The following GALNT13 variants were observed in gnomAD, a reference collection of about 807,000 sequenced individuals.
GALNT13 encodes the protein UDP-GalNAc:polypeptide N-acetylgalactosaminyltransferase 13.
GALNT13 carries 28 observed loss-of-function variants against 64.2 expected under a neutral mutation model. The observed-to-expected ratio is 0.44, with a 90% CI of 0.32 to 0.60. The LOEUF (loss-of-function observed/expected upper bound fraction) is 0.60, where lower values mean the gene tolerates loss of function less well. GALNT13 is among the 20% of genes least tolerant of loss of function. GALNT13 has a pLI of 0.05. For synonymous variants in GALNT13, 214 were observed against 224.6 expected, an observed-to-expected ratio of 0.95 and a Z score of 0.42; for missense variants, 577 against 669.8, an observed-to-expected ratio of 0.86 and a Z score of 1.53.
the GALNT13 span, among the ~76,000 whole-genome samples, chr2:153,168,774 T>G: frequency 9.2e-5 from 14 of 152,236 alleles, no homozygotes; most frequent in Admixed American, 6.5e-4. Flanking sequence ...GTACTCTTAT[T>G]AATTGCCACA....
the GALNT13 span, among the ~76,000 whole-genome samples, chr2:153,738,678 T>G: frequency 3.3e-5 from 5 of 151,856 alleles, no homozygotes; most frequent in Admixed American, 3.3e-4. Flanking sequence ...TTTCTGTGGT[T>G]GAATTATGTC....
intron 9 of GALNT13, among the ~76,000 whole-genome samples, chr2:154,333,947 G>C (rs1238345022): frequency 6.6e-6 from 1 of 152,046 alleles, no homozygotes; most frequent in East Asian, 1.9e-4. Flanking sequence ...TGTCAAACTG[G>C]CCTATTTCTA....
At chr2:153,806,427 A>G in the GALNT13 span, among the ~76,000 whole-genome samples, 5 of 152,074 alleles carry the variant, frequency 3.3e-5, no homozygotes, top group African/African-American at 1.2e-4. Context: ...ATAACAGAGG[A>G]GAAGCGTGTC....
chr2:154,260,563 T>A (rs1224008674), intron 8 of GALNT13, among the ~76,000 whole-genome samples: 2 of 152,312 alleles, frequency 1.3e-5, no homozygotes, highest in South Asian at 2.1e-4. Flanking sequence ...TATGCTTATA[T>A]TCTCATGAAA....
chr2:153,703,166 A>T, the GALNT13 span, among the ~76,000 whole-genome samples: 1 of 152,184 alleles, frequency 6.6e-6, no homozygotes, highest in Admixed American at 6.5e-5. Flanking sequence ...AGCAGTTTGT[A>T]TGAAATGGTC....
intron 3 of GALNT13, among the ~76,000 whole-genome samples, chr2:153,962,709 G>C (rs1693028046): frequency 6.6e-6 from 1 of 152,110 alleles, no homozygotes; most frequent in African/African-American, 2.4e-5. Flanking sequence ...TAATTTTACA[G>C]TTTCATGAGT....
chr2:154,148,696 A>C (rs930345434), intron 4 of GALNT13, among the ~76,000 whole-genome samples: 1 of 152,066 alleles, frequency 6.6e-6, no homozygotes, highest in Non-Finnish European at 1.5e-5. Flanking sequence ...GCATTTTTTC[A>C]TGTGTCTTTT....
At chr2:154,410,669 C>T (rs529817254) in intron 11 of GALNT13, among the ~76,000 whole-genome samples, 1 of 152,024 alleles carries the variant, frequency 6.6e-6, no homozygotes, top group South Asian at 2.1e-4. Flanking sequence ...GTAGCTGCTT[C>T]TCACAGTTCA....
chr2:153,614,839 T>C, the GALNT13 span, among the ~76,000 whole-genome samples: 875 of 152,208 alleles, frequency 5.7e-3, 6 homozygotes, highest in African/African-American at 8.8e-3. Context: ...CCATGGAGTA[T>C]TGGGCATCCA....
chr2:154,193,687 T>A (rs1686721641), intron 4 of GALNT13, among the ~76,000 whole-genome samples: 1 of 152,156 alleles, frequency 6.6e-6, no homozygotes, highest in Non-Finnish European at 1.5e-5. Context: ...ATTTACCTCC[T>A]CTTATTGCTT....
the GALNT13 span, among the ~76,000 whole-genome samples, chr2:153,208,664 C>T: frequency 6.6e-6 from 1 of 151,956 alleles, no homozygotes; most frequent in Non-Finnish European, 1.5e-5. Flanking sequence ...TAAGTATATA[C>T]CTAAGAGGAA....
rs542422764 is a variant in GALNT13, at chr2:153,991,448, G to A, written c.142+46809G>A. ...TGGAAGCAAGATTTGGAAGAGAAAAGAGTAAACACTGTCCAGAGGTTCCAG... is the reference window on the plus strand; with the variant it reads ...TGGAAGCAAGATTTGGAAGAGAAAAAAGTAAACACTGTCCAGAGGTTCCAG... On this transcript the variant is annotated intron_variant, in intron 3 of 12. Transcript: ENST00000392825. Among the ~76,000 whole-genome samples, 4 of 152,258 alleles carry A rather than the reference G, an allele frequency of 2.6e-5. No homozygotes were observed. In the South Asian group the frequency reaches 6.2e-4, roughly 24 times the overall value.
intron 12 of GALNT13, among the ~76,000 whole-genome samples, chr2:154,443,325 C>T (rs1056128615): frequency 5.3e-5 from 8 of 151,928 alleles, no homozygotes; most frequent in South Asian, 2.1e-4. Flanking sequence ...CGACTGAATG[C>T]GTAGATTACC....
At chr2:153,349,782 T>C in the GALNT13 span, among the ~76,000 whole-genome samples, 1 of 152,122 alleles carries the variant, frequency 6.6e-6, no homozygotes, top group African/African-American at 2.4e-5. Context: ...GGCGTTTCTC[T>C]TTTTGCCAGC....
intron 4 of GALNT13, among the ~76,000 whole-genome samples, chr2:154,213,758 G>A (rs1368929801): frequency 2.6e-5 from 4 of 152,156 alleles, no homozygotes; most frequent in African/African-American, 4.8e-5. Flanking sequence ...TAACAAGATA[G>A]ATAATGCTTC....
chr2:153,351,750 T>C, the GALNT13 span, among the ~76,000 whole-genome samples: 14 of 152,336 alleles, frequency 9.2e-5, no homozygotes, highest in African/African-American at 3.4e-4. Context: ...CACTTAGTAA[T>C]ATACATTTAA....
intron 4 of GALNT13, among the ~76,000 whole-genome samples, chr2:154,175,200 G>T (rs1685579281): frequency 6.6e-6 from 1 of 152,072 alleles, no homozygotes; most frequent in African/African-American, 2.4e-5. Flanking sequence ...ACTCATAATT[G>T]GAGGAACTCT....
the GALNT13 span, among the ~76,000 whole-genome samples, chr2:153,834,577 A>AG: frequency 6.6e-6 from 1 of 152,128 alleles, no homozygotes; most frequent in Admixed American, 6.6e-5. Flanking sequence ...TTTTGGTAAA[A>AG]GTTACCAATT....
intron 2 of GALNT13, among the ~76,000 whole-genome samples, chr2:153,902,395 G>A (rs1688297263): frequency 6.6e-6 from 1 of 152,114 alleles, no homozygotes; most frequent in Admixed American, 6.6e-5. Flanking sequence ...GCTCCTAAAT[G>A]TGAGAGGTAC....
Sources: allele counts gnomAD v4.1 joint callset (sites outside exome capture counted in the v4.1 genomes callset), GRCh38; gene constraint gnomAD v4.1.1; transcripts MANE v1.5; gene names NCBI Gene and HGNC (gene_info 2026-07-23, HGNC 2026-07-21).